The following DACH1 variants were observed in gnomAD, a reference collection of about 807,000 sequenced individuals.
DACH1 encodes the protein dachshund homolog 1.
Under a neutral mutation model 54.2 loss-of-function variants are expected in DACH1, and 12 were observed. That is an observed-to-expected ratio of 0.22 (90% CI 0.14 to 0.36). The LOEUF is 0.36. DACH1 is among the 10% of genes least tolerant of loss of function. DACH1 has a pLI of 1.00. For synonymous variants in DACH1, 386 were observed against 366.2 expected, an observed-to-expected ratio of 1.05 and a Z score of -0.62; for missense variants, 805 against 929.8, an observed-to-expected ratio of 0.87 and a Z score of 1.75.
At chr13:71,665,663 T>C (rs898147078) in intron 2 of DACH1, among the ~76,000 whole-genome samples, 8 of 152,068 alleles carry the variant, frequency 5.3e-5, no homozygotes, top group African/African-American at 1.9e-4. Context: ...TGAGGTGTTC[T>C]TTTAAAATTT....
chr13:71,682,046 A>T, intron 1 of DACH1, 136 bp from the exon 2 acceptor site: 1 of 552,692 alleles, frequency 1.8e-6, no homozygotes, highest in East Asian at 3.0e-5. Flanking sequence ...GATGTAATAG[A>T]CTTCCATCAC....
chr13:71,823,590 T>C (rs1416806149), intron 1 of DACH1, among the ~76,000 whole-genome samples: 2 of 152,054 alleles, frequency 1.3e-5, no homozygotes, highest in Non-Finnish European at 2.9e-5. Flanking sequence ...GAAAGTCATT[T>C]AGCATATATC....
intron 10 of DACH1, among the ~76,000 whole-genome samples, chr13:71,452,189 G>A (rs1325087956): frequency 2.0e-5 from 3 of 152,082 alleles, no homozygotes; most frequent in Non-Finnish European, 4.4e-5. Context: ...GAGTGCAATG[G>A]CACTATCTCA....
chr13:71,723,204 A>C (rs77213906), intron 1 of DACH1, among the ~76,000 whole-genome samples: 2,954 of 151,564 alleles, frequency 0.019, 77 homozygotes, highest in African/African-American at 0.056. Context: ...GAGTTTGAGA[A>C]CCAGCCTGGG....
At chr13:71,491,110 T>C (rs1026801210) in intron 6 of DACH1, among the ~76,000 whole-genome samples, 2 of 152,212 alleles carry the variant, frequency 1.3e-5, no homozygotes, top group African/African-American at 4.8e-5. Context: ...TGACTACATT[T>C]GGCTGTTGTG....
At chr13:71,736,028 C>T (rs957458556) in intron 1 of DACH1, among the ~76,000 whole-genome samples, 2 of 152,092 alleles carry the variant, frequency 1.3e-5, no homozygotes, top group Non-Finnish European at 2.9e-5. Context: ...CTCCATGATA[C>T]TAGCTACCAA....
At chr13:71,865,105 G>A (rs1874636396) in intron 1 of DACH1, among the ~76,000 whole-genome samples, 2 of 152,036 alleles carry the variant, frequency 1.3e-5, no homozygotes, top group African/African-American at 4.8e-5. Context: ...TCCCCCTACC[G>A]AAGAAAACCT....
intron 10 of DACH1, among the ~76,000 whole-genome samples, chr13:71,466,142 C>T (rs1466463276): frequency 6.6e-6 from 1 of 152,086 alleles, no homozygotes; most frequent in Non-Finnish European, 1.5e-5. Flanking sequence ...GTGAATTTCA[C>T]CGGTGCACTG....
chr13:71,599,759 AT>A (rs1033261496), intron 3 of DACH1, among the ~76,000 whole-genome samples: 1 of 151,538 alleles, frequency 6.6e-6, no homozygotes, highest in Admixed American at 6.6e-5. Flanking sequence ...GCTAATGTTA[AT>A]TTTTTTTACA....
At chr13:71,597,791 C>A (rs1471908388) in intron 3 of DACH1, among the ~76,000 whole-genome samples, 1 of 151,980 alleles carries the variant, frequency 6.6e-6, no homozygotes, top group Non-Finnish European at 1.5e-5. Context: ...AATTGGAGGC[C>A]CTATTATTAA....
intron 1 of DACH1, among the ~76,000 whole-genome samples, chr13:71,819,403 TG>T (rs1888099392): frequency 1.3e-5 from 2 of 152,208 alleles, no homozygotes; most frequent in Admixed American, 1.3e-4. Context: ...AGTGTGGATC[TG>T]GAAGGGCATA....
At chr13:71,827,113 A>T (rs1888411228) in intron 1 of DACH1, among the ~76,000 whole-genome samples, 1 of 152,074 alleles carries the variant, frequency 6.6e-6, no homozygotes, top group South Asian at 2.1e-4. Flanking sequence ...AAAATAAAGA[A>T]ATAGAGTAGA....
At position 71,747,717 on chromosome 13, in the gene DACH1, G is replaced by A. The variant is rs187717294; in HGVS notation, c.849-65807C>T. ...ATGTTTGTTTTAGATAAATTTGGGA[G>A]CTACATTTACCTTGAGAGTGTCTCT... On this transcript the variant is annotated intron_variant, in intron 1 of 10. Coordinates refer to ENST00000613252, the MANE Select transcript of DACH1 (RefSeq NM_080759.6). Among the ~76,000 whole-genome samples the A allele has an allele frequency of 3.9e-5, 6 of 152,312 alleles. No individual in the cohort carries two copies. In the East Asian group the frequency reaches 1.2e-3, roughly 29 times the overall value.
At position 71,440,540 on chromosome 13, in the gene DACH1, C is replaced by A; in HGVS notation, c.*115G>T. 9.7e-6 allele frequency: 7 copies of A among 721,424 alleles called. No individual in the cohort carries two copies. The highest frequency in any genetic ancestry group is 1.9e-5 in the African/African-American group (1 of 52,484). 44.7% of individuals were successfully genotyped at this position (721,424 alleles called of 1,614,324 possible). A position where few individuals can be genotyped will look rare whatever the true frequency, so the allele number is the denominator to read the frequency against. ...CTTAAACTTTTAAAGAACATTAATA[C>A]ACAAAATTCAGGAAGTTCCCTTAAA... On this transcript the variant is annotated 3_prime_UTR_variant, in exon 11 of 11. Transcript: ENST00000613252.
intron 1 of DACH1, among the ~76,000 whole-genome samples, chr13:71,856,294 T>C (rs1275871529): frequency 2.0e-5 from 3 of 151,890 alleles, no homozygotes; most frequent in East Asian, 1.9e-4. Flanking sequence ...TTTTGGCAAT[T>C]TGAAGCATGG....
intron 1 of DACH1, among the ~76,000 whole-genome samples, chr13:71,761,001 A>G (rs577444368): frequency 6.6e-6 from 1 of 152,070 alleles, no homozygotes; most frequent in Middle Eastern, 3.4e-3. Flanking sequence ...TAAATCCTTC[A>G]TCTTGTATGT....
At chr13:71,487,506 G>A (rs1161949948) in intron 7 of DACH1, among the ~76,000 whole-genome samples, 1 of 152,228 alleles carries the variant, frequency 6.6e-6, no homozygotes, top group East Asian at 1.9e-4. Context: ...GTAGAGTGTG[G>A]ATGAATACTC....
intron 6 of DACH1, among the ~76,000 whole-genome samples, chr13:71,504,405 G>A (rs1880152364): frequency 6.6e-6 from 1 of 152,082 alleles, no homozygotes; most frequent in South Asian, 2.1e-4. Context: ...TAGTATGAAT[G>A]CCTCATATTT....
chr13:71,551,915 G>C (rs528486414), intron 6 of DACH1, among the ~76,000 whole-genome samples: 2 of 152,032 alleles, frequency 1.3e-5, no homozygotes, highest in East Asian at 3.9e-4. Flanking sequence ...AAGCATTGGA[G>C]ATGTTGAGCA....
Sources: allele counts gnomAD v4.1 joint callset (sites outside exome capture counted in the v4.1 genomes callset), GRCh38; gene constraint gnomAD v4.1.1; transcripts MANE v1.5; gene names NCBI Gene and HGNC (gene_info 2026-07-23, HGNC 2026-07-21).